FAM3B: variants seen among roughly 807,000 people sequenced by gnomAD.
FAM3B encodes the protein protein FAM3B.
In FAM3B, 29 loss-of-function variants were observed where a neutral mutation model predicts 28.4. That is an observed-to-expected ratio of 1.02 (90% CI 0.76 to 1.39). FAM3B has a LOEUF of 1.39. FAM3B is among the 40% of genes most tolerant of loss of function. The pLI, the probability that FAM3B is intolerant of heterozygous loss-of-function variation, is 0.00. For missense variants in FAM3B, 266 were observed against 293.9 expected (o/e 0.91, Z 0.69); for synonymous variants, 91 against 103.0 (o/e 0.88, Z 0.71).
intron 7 of FAM3B, among the ~76,000 whole-genome samples, chr21:41,349,249 T>C (rs2089092315): frequency 6.6e-6 from 1 of 152,228 alleles, no homozygotes; most frequent in Non-Finnish European, 1.5e-5. Context: ...TTCTCACTTA[T>C]TAACCACTAA....
chr21:41,315,578 A>G (rs2088742825), upstream of FAM3B, among the ~76,000 whole-genome samples: 1 of 152,052 alleles, frequency 6.6e-6, no homozygotes, highest in Admixed American at 6.6e-5. Flanking sequence ...GCTTCTTAGT[A>G]TTCTTGCACA....
At chr21:41,333,131 G>GTT (rs57632341) in intron 2 of FAM3B, among the ~76,000 whole-genome samples, 4,683 of 128,812 alleles carry the variant, frequency 0.036, 267 homozygotes, top group African/African-American at 0.12. Context: ...TGTGTTTCTG[G>GTT]TTTTTTTTTT....
At chr21:41,335,140 G>A (rs1041517649) in intron 2 of FAM3B, among the ~76,000 whole-genome samples, 4 of 152,174 alleles carry the variant, frequency 2.6e-5, no homozygotes, top group Non-Finnish European at 4.4e-5. Context: ...TTACAGGCTT[G>A]TAGGTGGAAG....
chr21:41,345,926 G>C, intron 5 of FAM3B, 190 bp downstream of exon 5: 1 of 514,152 alleles, frequency 1.9e-6, no homozygotes, highest in Non-Finnish European at 3.4e-6. Context: ...ACATTTGAAG[G>C]CATCATCTAG....
At chr21:41,324,610 A>G (rs998988027) in intron 2 of FAM3B, among the ~76,000 whole-genome samples, 1 of 152,216 alleles carries the variant, frequency 6.6e-6, no homozygotes, top group South Asian at 2.1e-4. Flanking sequence ...CTACTGTGAA[A>G]GTCCATTTAT....
At chr21:41,322,605 T>A (rs2088816863) in intron 1 of FAM3B, 2 of 717,480 alleles carry the variant, frequency 2.8e-6, no homozygotes, top group Middle Eastern at 2.3e-4. Context: ...TTGGGCATGC[T>A]GGCTCACAAG....
At chr21:41,309,965 C>G (rs1368561247) in intron 1 of FAM3B, among the ~76,000 whole-genome samples, 1 of 152,158 alleles carries the variant, frequency 6.6e-6, no homozygotes, top group African/African-American at 2.4e-5. Flanking sequence ...CATTCAGACT[C>G]AGAAATTTTT....
rs893400698 is a variant in FAM3B, at chr21:41,357,347, C to G, written c.*150C>G. On this transcript the variant is annotated 3_prime_UTR_variant, in exon 8 of 8. Transcript: ENST00000357985. ...TGAACATTTGCTAGTTGTATCAAAT[C>G]TTGGTACGCAGTATTTTTATACCAG... 1.1e-5 allele frequency: 5 copies of G among 436,534 alleles called. No individual in the cohort carries two copies. Among genetic ancestry groups the G allele is most frequent in the African/African-American group, 1.0e-4 (5 of 48,834 alleles). 27.0% of individuals were successfully genotyped at this position (436,534 alleles called of 1,614,324 possible).
At chr21:41,344,065 A>G (rs1295817176) in intron 3 of FAM3B, among the ~76,000 whole-genome samples, 1 of 152,228 alleles carries the variant, frequency 6.6e-6, no homozygotes, top group East Asian at 1.9e-4. Context: ...GGTTGCAGTG[A>G]GCCACGATTG....
At chr21:41,323,144 T>C (rs2088825370) in intron 2 of FAM3B, 78 bp downstream of exon 2, 1 of 1,557,372 alleles carries the variant, frequency 6.4e-7, no homozygotes, top group Non-Finnish European at 8.7e-7. Context: ...CTGTCCCAGC[T>C]GGAGGCTGGG....
chr21:41,340,945 T>C (rs918238098), intron 3 of FAM3B, among the ~76,000 whole-genome samples: 14 of 152,094 alleles, frequency 9.2e-5, no homozygotes, highest in African/African-American at 3.4e-4. Flanking sequence ...CATACCTATG[T>C]ATATTTTTAT....
At chr21:41,316,778 C>G, upstream of FAM3B, 1 of 1,228,602 alleles carries the variant, frequency 8.1e-7, no homozygotes. Flanking sequence ...CCCTGCCCGA[C>G]ACGACCGCTG....
chr21:41,327,514 C>G (rs1284928604), intron 2 of FAM3B, among the ~76,000 whole-genome samples: 1 of 152,196 alleles, frequency 6.6e-6, no homozygotes, highest in Non-Finnish European at 1.5e-5. Flanking sequence ...CCTTGCATTC[C>G]CATTTCCATT....
intron 1 of FAM3B, among the ~76,000 whole-genome samples, chr21:41,305,531 C>T (rs1348007064): frequency 1.3e-5 from 2 of 152,136 alleles, no homozygotes; most frequent in East Asian, 1.9e-4. Flanking sequence ...GGAATACAGG[C>T]ATATTTGGAG....
intron 2 of FAM3B, among the ~76,000 whole-genome samples, chr21:41,336,762 G>C (rs1466824195): frequency 1.3e-5 from 2 of 151,948 alleles, no homozygotes; most frequent in Non-Finnish European, 2.9e-5. Context: ...GATGTTTGGT[G>C]CATACATACA....
At chr21:41,322,181 C>CA (rs1264187798) in intron 1 of FAM3B, among the ~76,000 whole-genome samples, 3 of 151,290 alleles carry the variant, frequency 2.0e-5, no homozygotes, top group Non-Finnish European at 4.4e-5. Context: ...AATGAAAAGA[C>CA]AGAGAGCCAC....
chr21:41,312,487 A>G (rs1163012166), upstream of FAM3B, among the ~76,000 whole-genome samples: 1 of 152,178 alleles, frequency 6.6e-6, no homozygotes, highest in Non-Finnish European at 1.5e-5. Context: ...GGATCCTAGG[A>G]GTTCCTGAGT....
chr21:41,344,984 C>T (rs1378089563), intron 4 of FAM3B, among the ~76,000 whole-genome samples: 1 of 152,206 alleles, frequency 6.6e-6, no homozygotes, highest in African/African-American at 2.4e-5. Flanking sequence ...TGGAATAAAG[C>T]TCTCTCACAG....
At chr21:41,350,138 C>T (rs1318632360) in intron 7 of FAM3B, among the ~76,000 whole-genome samples, 1 of 152,174 alleles carries the variant, frequency 6.6e-6, no homozygotes, top group Non-Finnish European at 1.5e-5. Context: ...TGCGAGGGGA[C>T]GTCGTGTGAT....
Sources: allele counts gnomAD v4.1 joint callset (sites outside exome capture counted in the v4.1 genomes callset), GRCh38; gene constraint gnomAD v4.1.1; transcripts MANE v1.5; gene names NCBI Gene and HGNC (gene_info 2026-07-23, HGNC 2026-07-21).